Variants in RALGAPA2 observed in about 807,000 individuals in gnomAD.
The protein encoded by RALGAPA2 is ral GTPase-activating protein subunit alpha-2.
Under a neutral mutation model 230.4 loss-of-function variants are expected in RALGAPA2, and 139 were observed. That is an observed-to-expected ratio of 0.60 (90% CI 0.53 to 0.69). The LOEUF (loss-of-function observed/expected upper bound fraction) is 0.69. RALGAPA2 is among the 30% of genes least tolerant of loss of function. The pLI, the probability that RALGAPA2 is intolerant of heterozygous loss-of-function variation, is 0.00. For missense variants in RALGAPA2, 2,163 were observed against 2,276.0 expected, an observed-to-expected ratio of 0.95 and a Z score of 1.01; for synonymous variants, 847 against 837.8, an observed-to-expected ratio of 1.01 and a Z score of -0.19.
intron 3 of RALGAPA2, among the ~76,000 whole-genome samples, chr20:20,669,253 T>C (rs1414015068): frequency 6.6e-6 from 1 of 152,210 alleles, no homozygotes; most frequent in Non-Finnish European, 1.5e-5. Context: ...CTATTCTATT[T>C]CTCTAGTAAA....
chr20:20,663,646 C>G (rs1420204637), intron 3 of RALGAPA2, among the ~76,000 whole-genome samples: 2 of 152,124 alleles, frequency 1.3e-5, no homozygotes, highest in Non-Finnish European at 2.9e-5. Flanking sequence ...GGCTGGAGCA[C>G]AGTGGCGCGA....
At chr20:20,507,934 T>C (rs1176682803) in intron 33 of RALGAPA2, among the ~76,000 whole-genome samples, 1 of 152,224 alleles carries the variant, frequency 6.6e-6, no homozygotes, top group Non-Finnish European at 1.5e-5. Context: ...ATGTAAAAAC[T>C]CCTCAGCATT....
intron 37 of RALGAPA2, chr20:20,471,257 CAAT>C (rs1452511000): frequency 6.6e-6 from 1 of 152,000 alleles, no homozygotes; most frequent in Non-Finnish European, 1.5e-5. Flanking sequence ...CTGATCATTC[CAAT>C]TGTATCACAT....
intron 33 of RALGAPA2, among the ~76,000 whole-genome samples, chr20:20,509,838 T>G (rs2062649935): frequency 6.6e-6 from 1 of 152,218 alleles, no homozygotes; most frequent in Non-Finnish European, 1.5e-5. Context: ...TAATATTATT[T>G]TATCTACTCA....
chr20:20,502,995 C>T (rs537069653), intron 35 of RALGAPA2, among the ~76,000 whole-genome samples: 34 of 152,238 alleles, frequency 2.2e-4, no homozygotes, highest in Non-Finnish European at 4.7e-4. Flanking sequence ...AACAGTGGGG[C>T]GGCTGAGCAG....
At chr20:20,490,074 G>C (rs1324092723) in intron 36 of RALGAPA2, among the ~76,000 whole-genome samples, 1 of 152,218 alleles carries the variant, frequency 6.6e-6, no homozygotes, top group African/African-American at 2.4e-5. Context: ...AGATAAAACA[G>C]CAGCTAAGAG....
intron 1 of RALGAPA2, among the ~76,000 whole-genome samples, chr20:20,698,505 T>C (rs2069213663): frequency 6.6e-6 from 1 of 152,194 alleles, no homozygotes; most frequent in Non-Finnish European, 1.5e-5. Context: ...TTCTCCTGCC[T>C]CAGCCTCCCA....
chr20:20,399,145 G>A (rs1162623822), intron 38 of RALGAPA2, among the ~76,000 whole-genome samples: 1 of 152,142 alleles, frequency 6.6e-6, no homozygotes, highest in Non-Finnish European at 1.5e-5. Flanking sequence ...AGGAGTTTGA[G>A]ACCAGCCTGG....
intron 15 of RALGAPA2, among the ~76,000 whole-genome samples, chr20:20,603,484 A>G (rs1464407034): frequency 2.0e-5 from 3 of 152,150 alleles, no homozygotes; most frequent in Non-Finnish European, 4.4e-5. Context: ...CACGTGACTT[A>G]CTTGGTAGCA....
chr20:20,638,800 T>C (rs890847379), intron 7 of RALGAPA2, among the ~76,000 whole-genome samples: 1 of 152,160 alleles, frequency 6.6e-6, no homozygotes, highest in Admixed American at 6.5e-5. Flanking sequence ...TGTGTTTCTG[T>C]TGCTGGCTAA....
intron 37 of RALGAPA2, among the ~76,000 whole-genome samples, chr20:20,458,444 C>CATATGTATTTTATATATATTAT (rs1569417224): frequency 1.0e-4 from 12 of 118,026 alleles, no homozygotes; most frequent in East Asian, 2.7e-4. Flanking sequence ...TTTTATATTA[C>CATATGTATTTTATATATATTAT]ATATAATACA....
chr20:20,557,793 G>A (rs529596790), intron 23 of RALGAPA2, among the ~76,000 whole-genome samples: 30 of 152,224 alleles, frequency 2.0e-4, no homozygotes, highest in South Asian at 8.3e-4. Context: ...AAAGAGATCC[G>A]AGAGATCATC....
intron 24 of RALGAPA2, among the ~76,000 whole-genome samples, chr20:20,538,406 G>T (rs1738044109): frequency 6.6e-6 from 1 of 152,146 alleles, no homozygotes; most frequent in African/African-American, 2.4e-5. Context: ...CCATGAGATG[G>T]GAGGCTGAAA....
chr20:20,405,490 G>A (rs2059926857), intron 38 of RALGAPA2, among the ~76,000 whole-genome samples: 1 of 152,234 alleles, frequency 6.6e-6, no homozygotes. Context: ...ACATCTGACA[G>A]GTAGCAGTGG....
At chr20:20,407,272 C>T (rs988332304) in intron 38 of RALGAPA2, among the ~76,000 whole-genome samples, 17 of 152,194 alleles carry the variant, frequency 1.1e-4, no homozygotes, top group African/African-American at 4.1e-4. Flanking sequence ...TTAATTAAAA[C>T]CGTATTAAGA....
chr20:20,584,477 G>A (rs944661674), intron 19 of RALGAPA2, among the ~76,000 whole-genome samples: 1 of 152,100 alleles, frequency 6.6e-6, no homozygotes, highest in African/African-American at 2.4e-5. Context: ...AGGATTCCAG[G>A]AATAAGAAGG....
chr20:20,580,699 T>TCTGATTAAA (rs1427651300), intron 20 of RALGAPA2, among the ~76,000 whole-genome samples: 12 of 152,186 alleles, frequency 7.9e-5, no homozygotes, highest in Non-Finnish European at 1.6e-4. Flanking sequence ...TCTTACCACA[T>TCTGATTAAA]CTGATTAAAA....
chr20:20,703,121 C>T (rs184671061), intron 1 of RALGAPA2, among the ~76,000 whole-genome samples: 2 of 151,544 alleles, frequency 1.3e-5, no homozygotes, highest in African/African-American at 4.9e-5. Flanking sequence ...TGCAGTGAGG[C>T]GAAATTGCAC....
At chr20:20,575,338 G>A (rs1387216249) in intron 20 of RALGAPA2, among the ~76,000 whole-genome samples, 1 of 151,766 alleles carries the variant, frequency 6.6e-6, no homozygotes, top group African/African-American at 2.4e-5. Flanking sequence ...GAAACCATAA[G>A]CAGGCATGGT....
Sources: allele counts gnomAD v4.1 joint callset (sites outside exome capture counted in the v4.1 genomes callset), GRCh38; gene constraint gnomAD v4.1.1; transcripts MANE v1.5; gene names NCBI Gene and HGNC (gene_info 2026-07-23, HGNC 2026-07-21).